Variants in TBX15 observed in about 807,000 individuals in gnomAD.
TBX15 encodes the protein T-box transcription factor 15.
In TBX15, 18 loss-of-function variants were observed where a neutral mutation model predicts 53.9. The ratio of observed to expected loss-of-function variants is 0.33; its 90% CI spans 0.23 to 0.49. TBX15 has a LOEUF of 0.49. Among genes scored for constraint, TBX15 ranks in the 20% least tolerant of loss-of-function variants. The pLI is 0.98. For synonymous variants in TBX15, 295 were observed against 278.0 expected (o/e 1.06, Z -0.61); for missense variants, 692 against 749.5 (o/e 0.92, Z 0.90).
intron 2 of TBX15, among the ~76,000 whole-genome samples, chr1:118,928,552 C>T (rs780879775): frequency 2.0e-5 from 3 of 152,154 alleles, no homozygotes; most frequent in Non-Finnish European, 4.4e-5. Flanking sequence ...TTCTTAATAA[C>T]ACTGATTTAT....
chr1:118,913,636 A>G (rs2101562298), intron 6 of TBX15, among the ~76,000 whole-genome samples: 2 of 152,332 alleles, frequency 1.3e-5, no homozygotes, highest in South Asian at 4.1e-4. Context: ...AGCAGGAAGC[A>G]TCTGATATAT....
chr1:118,893,556 A>G (rs1654279661), intron 7 of TBX15, among the ~76,000 whole-genome samples: 2 of 139,268 alleles, frequency 1.4e-5, no homozygotes, highest in Admixed American at 6.8e-5. Flanking sequence ...GAAGGAAGGA[A>G]GGAAAGAAGG....
chr1:118,980,216 C>T (rs1192023522), intron 1 of TBX15, among the ~76,000 whole-genome samples: 1 of 152,146 alleles, frequency 6.6e-6, no homozygotes, highest in Non-Finnish European at 1.5e-5. Context: ...GGGTTAACTG[C>T]TTCCCGGACC....
Position 118,931,837 on chromosome 1 carries a change from A to G in TBX15, c.206-5T>C. The G allele has an allele frequency of 6.4e-7, 1 of 1,561,594 alleles. No homozygotes were observed. Among genetic ancestry groups the G allele is most frequent in the Non-Finnish European group, 8.7e-7 (1 of 1,151,742 alleles). Reference sequence around the variant, plus strand: ...AACCAGTGCTCTGCTCAGAATCTGCAAAATAAACAATCAAGCCTTAGGTGA... The same window carrying G: ...AACCAGTGCTCTGCTCAGAATCTGCGAAATAAACAATCAAGCCTTAGGTGA... On this transcript the variant is annotated splice_region_variant and splice_polypyrimidine_tract_variant and intron_variant, in intron 1 of 7. Transcript: ENST00000369429.
intron 7 of TBX15, among the ~76,000 whole-genome samples, chr1:118,888,869 G>A (rs1654037814): frequency 6.6e-6 from 1 of 151,752 alleles, no homozygotes; most frequent in Admixed American, 6.6e-5. Context: ...CAAGATGGAA[G>A]GAATGGTACT....
intron 1 of TBX15, among the ~76,000 whole-genome samples, chr1:118,965,380 A>T (rs921552525): frequency 2.0e-4 from 30 of 152,242 alleles, no homozygotes; most frequent in African/African-American, 7.2e-4. Flanking sequence ...TGCAAGCATT[A>T]TACCCTTCAA....
chr1:118,942,520 G>A (rs1242691530), intron 1 of TBX15, among the ~76,000 whole-genome samples: 2 of 152,194 alleles, frequency 1.3e-5, no homozygotes, highest in African/African-American at 4.8e-5. Context: ...CTAGTAATGA[G>A]GTGTCTTAAT....
intron 6 of TBX15, among the ~76,000 whole-genome samples, 176 bp from the exon 7 acceptor site, chr1:118,899,301 G>A (rs930877408): frequency 6.6e-6 from 1 of 152,052 alleles, no homozygotes; most frequent in Non-Finnish European, 1.5e-5. Context: ...GGACTGCAGG[G>A]GGAATAACAA....
In TBX15 at chr1:118,899,082, G is replaced by A. The variant is rs200424878; in HGVS notation, c.970C>T (p.Pro324Ser). 2.3e-5 allele frequency: 37 copies of A among 1,613,634 alleles called. No individual in the cohort carries two copies. The highest frequency in any genetic ancestry group is 3.3e-4 in the Middle Eastern group (2 of 6,058). ...AIMETYAFWR[P>S]PVRTLTFEDF... ...TCGAAGGTGAGTGTGCGCACAGGAG[G>A]TCTCCAGAATGCATATGTCTCCATG... Residue 324 changes from proline to serine, a missense_variant, in exon 7 of 8, where the codon CCT (proline) becomes TCT (serine). Coordinates refer to ENST00000369429, the MANE Select transcript of TBX15 (RefSeq NM_001330677.2).
chr1:118,920,101 A>G (rs535682894), intron 5 of TBX15, among the ~76,000 whole-genome samples: 15 of 152,336 alleles, frequency 9.8e-5, no homozygotes, highest in African/African-American at 3.6e-4. Flanking sequence ...CGTCAATTGC[A>G]GAGTTGGGTC....
intron 1 of TBX15, among the ~76,000 whole-genome samples, chr1:118,953,421 T>C (rs1466581078): frequency 2.0e-5 from 3 of 152,188 alleles, no homozygotes; most frequent in African/African-American, 7.2e-5. Context: ...ACTGTTTCAC[T>C]CATTCCCAAC....
intron 6 of TBX15, among the ~76,000 whole-genome samples, chr1:118,903,389 T>C (rs1214092994): frequency 6.6e-6 from 1 of 152,216 alleles, no homozygotes; most frequent in Non-Finnish European, 1.5e-5. Context: ...TATCATTCCT[T>C]CAAAGTTCAG....
chr1:118,931,623 C>T lies in TBX15; in HGVS notation c.415G>A (p.Gly139Ser), dbSNP rs1371246506. 1 of 1,613,998 alleles carries T rather than the reference C, an allele frequency of 6.2e-7. No individual in the cohort carries two copies. Among genetic ancestry groups the T allele is most frequent in the Non-Finnish European group, 8.5e-7 (1 of 1,179,946 alleles). ...CTCAAAGGAATTTGTCCTTACCTGC[C>T]TGCTTTGGTGATGATCATTTCAGTT... ...IGTEMIITKA[G>S]RRMFPAMRVK... The change falls in exon 2 of 8, where the codon GGC (glycine) becomes AGC (serine). Residue 139 changes from glycine to serine, a missense_variant. Gly to Ser is a moderately conservative substitution (Grantham distance 56). This residue lies in a region of TBX15 where 307 missense variants were observed against 347.5 expected (regional missense o/e 0.88). Coordinates refer to ENST00000369429, the MANE Select transcript of TBX15 (RefSeq NM_001330677.2).
chr1:118,933,909 G>T (rs551695372), intron 1 of TBX15, among the ~76,000 whole-genome samples: 55 of 152,152 alleles, frequency 3.6e-4, no homozygotes, highest in African/African-American at 1.3e-3. Flanking sequence ...GACACCTTAA[G>T]TAGGACCCAA....
chr1:118,933,451 G>A (rs1214162433), intron 1 of TBX15, among the ~76,000 whole-genome samples: 1 of 99,400 alleles, frequency 1.0e-5, no homozygotes, highest in African/African-American at 3.7e-5. Flanking sequence ...CTCCCCCTCT[G>A]CCCCCCACCC....
intron 1 of TBX15, among the ~76,000 whole-genome samples, chr1:118,954,622 G>A (rs979455911): frequency 6.6e-6 from 1 of 152,222 alleles, no homozygotes; most frequent in African/African-American, 2.4e-5. Flanking sequence ...TTAACCATAT[G>A]TGTGTGGAGA....
At chr1:118,906,165 AAT>A (rs1464868441) in intron 6 of TBX15, among the ~76,000 whole-genome samples, 1 of 152,220 alleles carries the variant, frequency 6.6e-6, no homozygotes, top group African/African-American at 2.4e-5. Flanking sequence ...GCTAACAATA[AAT>A]ATATGAGGTT....
intron 2 of TBX15, among the ~76,000 whole-genome samples, chr1:118,929,039 A>G (rs1380166486): frequency 1.3e-5 from 2 of 152,232 alleles, no homozygotes; most frequent in African/African-American, 4.8e-5. Flanking sequence ...TCTAAAGAAA[A>G]GTTAACCTTT....
intron 1 of TBX15, among the ~76,000 whole-genome samples, chr1:118,946,079 C>A (rs1191002078): frequency 6.6e-6 from 1 of 151,890 alleles, no homozygotes; most frequent in African/African-American, 2.4e-5. Context: ...CAATATATAG[C>A]ATCTTTAAAA....
Sources: gnomAD v4.1 joint callset for allele counts (sites outside exome capture counted in the v4.1 genomes callset) on GRCh38, gnomAD v4.1.1 for gene constraint, gnomAD v4.1.1 regional missense constraint, MANE v1.5 for transcripts, NCBI Gene and HGNC (gene_info 2026-07-23, HGNC 2026-07-21) for gene names.